Variants in CSMD3 observed in about 807,000 individuals in gnomAD.
The protein encoded by CSMD3 is CUB and Sushi multiple domains 3, also known as CUB and sushi domain-containing protein 3.
A neutral mutation model predicts 435.2 loss-of-function variants in CSMD3; 177 were observed. The observed-to-expected ratio is 0.41, with a 90% CI of 0.36 to 0.46. The LOEUF is 0.46. CSMD3 is among the 20% of genes least tolerant of loss of function. The pLI, the probability that CSMD3 is intolerant of heterozygous loss-of-function variation, is 0.34. For missense variants in CSMD3, 4,265 were observed against 4,504.6 expected, an observed-to-expected ratio of 0.95 and a Z score of 1.52; for synonymous variants, 1,656 against 1,520.5, an observed-to-expected ratio of 1.09 and a Z score of -2.07.
intron 1 of CSMD3, among the ~76,000 whole-genome samples, chr8:113,414,057 T>C (rs1024913265): frequency 6.6e-6 from 1 of 152,026 alleles, no homozygotes; most frequent in Non-Finnish European, 1.5e-5. Flanking sequence ...ATCAAGACAT[T>C]GGAGCTGAGG....
chr8:112,522,316 T>A (rs1189004777), intron 27 of CSMD3, among the ~76,000 whole-genome samples: 1 of 152,010 alleles, frequency 6.6e-6, no homozygotes, highest in Middle Eastern at 3.4e-3. Flanking sequence ...TAATTATATA[T>A]AAGGAATCTC....
At chr8:113,168,933 GA>G (rs1400813109) in intron 4 of CSMD3, among the ~76,000 whole-genome samples, 1 of 152,000 alleles carries the variant, frequency 6.6e-6, no homozygotes, top group African/African-American at 2.4e-5. Flanking sequence ...ACAGAGCAGG[GA>G]ACAAGCAAAC....
Position 112,405,322 on chromosome 8 carries a change from T to G in CSMD3, c.5809+1202A>C, listed in dbSNP as rs186605032. On this transcript the variant is annotated intron_variant, in intron 35 of 70. Coordinates refer to ENST00000297405, the MANE Select transcript of CSMD3 (RefSeq NM_198123.2). ...TTTAATGAGAAACAACTCAAGTCAT[T>G]AGAATTATTTTATAACCTGAGATTA... Among the ~76,000 whole-genome samples, 3 of 144,888 alleles carry G rather than the reference T, an allele frequency of 2.1e-5. No individual in the cohort carries two copies. In the Admixed American group the frequency reaches 2.1e-4, roughly 10 times the overall value.
chr8:112,997,006 T>C (rs2085678154), intron 6 of CSMD3, among the ~76,000 whole-genome samples: 1 of 151,576 alleles, frequency 6.6e-6, no homozygotes, highest in Non-Finnish European at 1.5e-5. Context: ...TGATTATTAC[T>C]TAGAGACTTT....
rs1315961608 is a variant in CSMD3, at chr8:112,237,266, T to C, written c.10551A>G (p.Thr3517=). 1.9e-6 allele frequency: 3 copies of C among 1,613,416 alleles called. No homozygotes were observed. The highest frequency in any genetic ancestry group is 2.5e-6 in the Non-Finnish European group (3 of 1,179,588). Residue 3517 remains threonine (T), a synonymous_variant, in exon 67 of 71, where the codon ACA becomes ACG. Coordinates refer to ENST00000297405, the MANE Select transcript of CSMD3 (RefSeq NM_198123.2). Reference sequence around the variant, plus strand: ...CAGTGGAAGCATTGAAACTAGTAACTGTTAAGGTCATGGGTTGTTTCCTTC... The same window carrying C: ...CAGTGGAAGCATTGAAACTAGTAACCGTTAAGGTCATGGGTTGTTTCCTTC... ...FKGRKQPMTL[T]VTSFNASTGR...
chr8:112,997,646 C>A (rs958821337), intron 6 of CSMD3, among the ~76,000 whole-genome samples: 1 of 151,486 alleles, frequency 6.6e-6, no homozygotes, highest in African/African-American at 2.4e-5. Flanking sequence ...TTTTCACAGG[C>A]TAAACCCTCT....
At chr8:112,401,547 G>C (rs2129928314) in intron 35 of CSMD3, among the ~76,000 whole-genome samples, 1 of 152,118 alleles carries the variant, frequency 6.6e-6, no homozygotes, top group Non-Finnish European at 1.5e-5. Context: ...TAAAATTGTA[G>C]TAATAATTAT....
chr8:112,350,274 CTTT>C (rs201171217), intron 40 of CSMD3, among the ~76,000 whole-genome samples: 24 of 121,216 alleles, frequency 2.0e-4, no homozygotes, highest in Admixed American at 1.8e-4. Context: ...AAGTCATGGA[CTTT>C]TTTTTTTTTT....
chr8:113,309,165 G>C (rs921206292), intron 2 of CSMD3: 1 of 151,810 alleles, frequency 6.6e-6, no homozygotes, highest in African/African-American at 2.4e-5. Flanking sequence ...TGCCCAGGCT[G>C]GTCTCAAACT....
At chr8:112,607,315 T>C (rs1832875751) in intron 22 of CSMD3, among the ~76,000 whole-genome samples, 1 of 151,988 alleles carries the variant, frequency 6.6e-6, no homozygotes, top group African/African-American at 2.4e-5. Context: ...AGATTAATAA[T>C]GAGTGAGAAG....
chr8:112,246,546 T>C (rs1365931504), intron 64 of CSMD3, among the ~76,000 whole-genome samples: 1 of 152,204 alleles, frequency 6.6e-6, no homozygotes, highest in Non-Finnish European at 1.5e-5. Flanking sequence ...AGAGAACATA[T>C]AAAGGAAATT....
At chr8:113,258,128 A>G (rs1289956122) in intron 3 of CSMD3, among the ~76,000 whole-genome samples, 1 of 152,208 alleles carries the variant, frequency 6.6e-6, no homozygotes, top group Non-Finnish European at 1.5e-5. Flanking sequence ...TGTTAGAATA[A>G]TAGTTGCTTT....
chr8:112,930,121 C>T (rs1264355193), intron 9 of CSMD3, among the ~76,000 whole-genome samples: 1 of 151,918 alleles, frequency 6.6e-6, no homozygotes, highest in African/African-American at 2.4e-5. Context: ...TAATGATTTC[C>T]ACAACATGCT....
intron 51 of CSMD3, among the ~76,000 whole-genome samples, chr8:112,305,794 T>C (rs770806204): frequency 6.6e-5 from 10 of 152,144 alleles, no homozygotes; most frequent in Non-Finnish European, 1.2e-4. Flanking sequence ...TTTTTTGACA[T>C]AAATATTCTG....
At chr8:113,350,762 GTT>G (rs1251330762) in intron 1 of CSMD3, among the ~76,000 whole-genome samples, 2 of 152,034 alleles carry the variant, frequency 1.3e-5, no homozygotes, top group Non-Finnish European at 2.9e-5. Flanking sequence ...TTTTCCATTA[GTT>G]AAGAATTAAG....
At chr8:112,608,228 C>G (rs1444132078) in intron 22 of CSMD3, among the ~76,000 whole-genome samples, 1 of 151,716 alleles carries the variant, frequency 6.6e-6, no homozygotes, top group Non-Finnish European at 1.5e-5. Flanking sequence ...GAATAAAATA[C>G]TTAGGTAGAA....
rs1488561060 is a variant in CSMD3, at chr8:112,531,425, G to T, written c.4565-14200C>A. On this transcript the variant is annotated intron_variant, in intron 27 of 70. Transcript: ENST00000297405. ...GCCTCAGTGCTGTGCTGGTCTGGAA[G>T]GTTGCAGGCTTTGGGTGCCAGTTAC... 2.0e-5 allele frequency among the ~76,000 whole-genome samples: 3 copies of T among 152,138 alleles called. No individual in the cohort carries two copies. The South Asian group carries it at 6.2e-4, about 31-fold the overall frequency.
chr8:113,136,439 G>T (rs1355207599), intron 4 of CSMD3, among the ~76,000 whole-genome samples: 2 of 151,452 alleles, frequency 1.3e-5, no homozygotes, highest in Non-Finnish European at 3.0e-5. Flanking sequence ...TTATGGTTAG[G>T]ATATATATTG....
At chr8:112,923,387 G>A (rs1445844882) in intron 9 of CSMD3, among the ~76,000 whole-genome samples, 1 of 152,078 alleles carries the variant, frequency 6.6e-6, no homozygotes, top group Non-Finnish European at 1.5e-5. Flanking sequence ...CTAATTTGCA[G>A]GATTAATTTC....
Sources: allele counts gnomAD v4.1 joint callset (sites outside exome capture counted in the v4.1 genomes callset), GRCh38; gene constraint gnomAD v4.1.1; transcripts MANE v1.5; gene names NCBI Gene and HGNC (gene_info 2026-07-23, HGNC 2026-07-21).